Variants in VAX2 observed in about 807,000 individuals in gnomAD.
VAX2 encodes the protein ventral anterior homeobox 2.
A neutral mutation model predicts 12.5 loss-of-function variants in VAX2; 8 were observed. The ratio of observed to expected loss-of-function variants is 0.64; its 90% CI spans 0.37 to 1.15. The LOEUF (loss-of-function observed/expected upper bound fraction) is 1.15, where lower values mean the gene tolerates loss of function less well. VAX2 is among the 50% of genes most tolerant of loss of function. VAX2 has a pLI of 0.01. For missense variants in VAX2, 476 were observed against 412.9 expected, an observed-to-expected ratio of 1.15 and a Z score of -1.32; for synonymous variants, 183 against 187.6, an observed-to-expected ratio of 0.98 and a Z score of 0.20.
intron 1 of VAX2, among the ~76,000 whole-genome samples, chr2:70,907,803 A>G (rs914212820): frequency 2.0e-5 from 3 of 152,272 alleles, no homozygotes; most frequent in Non-Finnish European, 4.4e-5. Context: ...GAGTCCTTCC[A>G]GGCGATTTTT....
intron 2 of VAX2, among the ~76,000 whole-genome samples, chr2:70,931,178 A>G (rs1679687164): frequency 6.6e-6 from 1 of 152,184 alleles, no homozygotes; most frequent in East Asian, 1.9e-4. Context: ...CCTCATGTAG[A>G]GTAGGAAGGG....
At chr2:70,901,309 G>C (rs1234985935) in intron 1 of VAX2, among the ~76,000 whole-genome samples, 5 of 152,262 alleles carry the variant, frequency 3.3e-5, no homozygotes, top group African/African-American at 1.2e-4. Context: ...AGGGCGGCCG[G>C]GGTGCTTCCT....
chr2:70,907,866 C>G (rs1679095180), intron 1 of VAX2, among the ~76,000 whole-genome samples: 1 of 152,232 alleles, frequency 6.6e-6, no homozygotes. Context: ...ATTTCATAGG[C>G]TGTTTTGCAA....
chr2:70,908,904 G>A (rs992401728), intron 1 of VAX2, among the ~76,000 whole-genome samples: 6 of 152,096 alleles, frequency 3.9e-5, no homozygotes, highest in East Asian at 1.9e-4. Flanking sequence ...CCTTTGCCCT[G>A]TCCCCACACT....
At position 70,928,609 on chromosome 2, in the gene VAX2, G is replaced by A. The variant is rs556031125; in HGVS notation, c.436-4158G>A. Among the ~76,000 whole-genome samples, 7 of 152,316 alleles carry A rather than the reference G, an allele frequency of 4.6e-5. No individual in the cohort carries two copies. In the East Asian group the frequency reaches 1.4e-3, roughly 29 times the overall value. On this transcript the variant is annotated intron_variant, in intron 2 of 2. Coordinates refer to ENST00000234392, the MANE Select transcript of VAX2 (RefSeq NM_012476.3). ...CCAGAGCTGCAGGAAGATGGGATAT[G>A]TGGGAGAGCACCTTGTAAATGCCTG...
chr2:70,907,079 G>A (rs1031190625), intron 1 of VAX2, among the ~76,000 whole-genome samples: 10 of 152,256 alleles, frequency 6.6e-5, no homozygotes, highest in Non-Finnish European at 1.0e-4. Flanking sequence ...CCGGAAGAAC[G>A]TGTGTTCTAA....
intron 2 of VAX2, among the ~76,000 whole-genome samples, chr2:70,927,527 A>G (rs1201166466): frequency 3.3e-5 from 5 of 150,818 alleles, no homozygotes; most frequent in African/African-American, 1.2e-4. Context: ...AGATACACAG[A>G]TACCACTCAC....
rs183405183 is a variant in VAX2 at position 70,926,080 on chromosome 2, C to T, written c.435+4795C>T. Among the ~76,000 whole-genome samples the T allele has an allele frequency of 7.9e-5, 12 of 152,004 alleles. 1 individual carries two copies. Among genetic ancestry groups the T allele is most frequent in the Admixed American group, 7.2e-4 (11 of 15,246 alleles). ...ATGGCTAGTCTCTTCTTTAATCTAG[C>T]ATGCCCAATTCAGCTCAGTTGTCTG... On this transcript the variant is annotated intron_variant, in intron 2 of 2. Transcript: ENST00000234392.
intron 1 of VAX2, among the ~76,000 whole-genome samples, chr2:70,906,324 A>G (rs10192892): frequency 0.011 from 1,707 of 152,238 alleles, 35 homozygotes; most frequent in African/African-American, 0.039. Context: ...AGAAAGAGGT[A>G]GCAGCCCCAG....
Position 70,917,066 on chromosome 2 carries a change from G to A in VAX2, c.248-4032G>A, listed in dbSNP as rs994306489. On this transcript the variant is annotated intron_variant, in intron 1 of 2. Transcript: ENST00000234392. Reference sequence around the variant, plus strand: ...CTTAGGAGGCTGAGGCAGGAAAATCGCTTGAAACCAGAAGACGGAGGTTGC... The same window carrying A: ...CTTAGGAGGCTGAGGCAGGAAAATCACTTGAAACCAGAAGACGGAGGTTGC... 9.4e-5 allele frequency among the ~76,000 whole-genome samples: 14 copies of A among 148,424 alleles called. No homozygotes were observed. The South Asian group carries it at 2.1e-3, about 23-fold the overall frequency.
At chr2:70,917,552 G>C (rs1160137007) in intron 1 of VAX2, among the ~76,000 whole-genome samples, 1 of 152,012 alleles carries the variant, frequency 6.6e-6, no homozygotes, top group South Asian at 2.1e-4. Flanking sequence ...TCTTTTTGCT[G>C]TTCTGATAGG....
rs369295914 is a variant in VAX2 at position 70,920,945 on chromosome 2, C to T, written c.248-153C>T. Among the ~76,000 whole-genome samples the T allele has an allele frequency of 6.0e-4, 92 of 152,144 alleles. 1 individual carries two copies. The South Asian group carries it at 0.018, about 31-fold the overall frequency. On this transcript the variant is annotated intron_variant, in intron 1 of 2. Transcript: ENST00000234392. ...CATTGGGTGGTTAAGGAATCTGGGC[C>T]CAGAGAGGGTGAGCAACTTGTCACA...
In VAX2 at chr2:70,916,817, T is replaced by G. The variant is rs185688681; in HGVS notation, c.248-4281T>G. On this transcript the variant is annotated intron_variant, in intron 1 of 2. Coordinates refer to ENST00000234392, the MANE Select transcript of VAX2 (RefSeq NM_012476.3). ...AGGGGGCTATTACAAATAAAGCTGC[T>G]ATGATCATTTGTATACAGGTTTTTG... Among the ~76,000 whole-genome samples the G allele has an allele frequency of 3.6e-4, 55 of 152,290 alleles. 1 individual carries two copies. The highest frequency in any genetic ancestry group is 1.2e-3 in the African/African-American group (50 of 41,558).
rs976096204 is a variant in VAX2, at chr2:70,900,579, G to T, written c.-43G>T. 8.1e-7 allele frequency: 1 copy of T among 1,237,128 alleles called. No individual in the cohort carries two copies. The highest frequency in any genetic ancestry group is 3.2e-5 in the East Asian group (1 of 31,498). 76.6% of individuals were successfully genotyped at this position (1,237,128 alleles called of 1,614,324 possible). ...GCGGGGAGCGGCGCTCCCGGCCAGC[G>T]TAGGCTGGCTCCGCCGTAGAGGGGT... On this transcript the variant is annotated 5_prime_UTR_variant, in exon 1 of 3. Transcript: ENST00000234392.
At position 70,904,401 on chromosome 2, in the gene VAX2, T is replaced by C. The variant is rs1439399390; in HGVS notation, c.247+3533T>C. 2.0e-5 allele frequency among the ~76,000 whole-genome samples: 3 copies of C among 152,192 alleles called. No individual in the cohort carries two copies. The highest frequency in any genetic ancestry group is 4.4e-5 in the Non-Finnish European group (3 of 68,026). ...AGACTCCCTACAACCCCGCGATCGATGCTCCACCTGCACGCTCAAACGCAC... is the reference window on the plus strand; with the variant it reads ...AGACTCCCTACAACCCCGCGATCGACGCTCCACCTGCACGCTCAAACGCAC... On this transcript the variant is annotated intron_variant, in intron 1 of 2. Coordinates refer to ENST00000234392, the MANE Select transcript of VAX2 (RefSeq NM_012476.3). This position sits in a 1 kb window ranked among gnomAD's most constrained non-coding sequence, Gnocchi z 4.2.
chr2:70,912,621 C>T (rs1177657494), intron 1 of VAX2, among the ~76,000 whole-genome samples: 5 of 152,068 alleles, frequency 3.3e-5, no homozygotes, highest in African/African-American at 4.8e-5. Flanking sequence ...GAGATCACGC[C>T]GTTGCACTCC....
intron 1 of VAX2, among the ~76,000 whole-genome samples, chr2:70,910,251 G>A (rs1428156740): frequency 5.3e-5 from 8 of 152,016 alleles, no homozygotes; most frequent in Admixed American, 3.9e-4. Context: ...TAGGTATATC[G>A]GAGCTCATTG....
intron 2 of VAX2, 30 bp downstream of exon 2, chr2:70,921,315 C>T (rs1553412849): frequency 6.5e-7 from 1 of 1,540,856 alleles, no homozygotes; most frequent in Non-Finnish European, 8.7e-7. Flanking sequence ...CCACTCCACT[C>T]TTGTCCTGGC....
chr2:70,911,199 G>GTT (rs200188736), intron 1 of VAX2, among the ~76,000 whole-genome samples: 6 of 152,028 alleles, frequency 3.9e-5, no homozygotes, highest in South Asian at 4.2e-4. Flanking sequence ...TACTTTTACT[G>GTT]TTTTTTTAAT....
Sources: allele counts gnomAD v4.1 joint callset (sites outside exome capture counted in the v4.1 genomes callset), GRCh38; gene constraint gnomAD v4.1.1; non-coding constraint Gnocchi (gnomAD v3.1); transcripts MANE v1.5; gene names NCBI Gene and HGNC (gene_info 2026-07-23, HGNC 2026-07-21).